The following CTNNA3 variants were observed in gnomAD, a reference collection of about 807,000 sequenced individuals.
The protein encoded by CTNNA3 is catenin alpha 3, also known as catenin alpha-3.
In CTNNA3, 76 loss-of-function variants were observed where a neutral mutation model predicts 95.7. The observed-to-expected ratio is 0.79, with a 90% CI of 0.66 to 0.96. The LOEUF (loss-of-function observed/expected upper bound fraction) is 0.96. Among genes scored for constraint, CTNNA3 ranks in the 40% least tolerant of loss-of-function variants. CTNNA3 has a pLI of 0.00. For synonymous variants in CTNNA3, 431 were observed against 374.4 expected (o/e 1.15, Z -1.74); for missense variants, 1,191 against 1,089.8 (o/e 1.09, Z -1.31).
chr10:67,099,655 T>C (rs1858222221), intron 7 of CTNNA3: 1 of 152,168 alleles, frequency 6.6e-6, no homozygotes, highest in Admixed American at 6.6e-5. Context: ...AAGATGTAAA[T>C]GTTGGAAGAA....
chr10:66,831,736 G>C (rs1006667366), intron 7 of CTNNA3, among the ~76,000 whole-genome samples: 13 of 152,056 alleles, frequency 8.5e-5, no homozygotes, highest in African/African-American at 2.9e-4. Flanking sequence ...GCAGAGGAGA[G>C]AGGAAAGGGA....
chr10:66,805,421 G>C (rs1290816689), intron 7 of CTNNA3, among the ~76,000 whole-genome samples: 1 of 150,094 alleles, frequency 6.7e-6, no homozygotes, highest in Non-Finnish European at 1.5e-5. Flanking sequence ...TTTGTTTGAA[G>C]ACTGAATTAA....
intron 12 of CTNNA3, among the ~76,000 whole-genome samples, chr10:66,288,135 A>G (rs915288654): frequency 6.6e-6 from 1 of 152,082 alleles, no homozygotes; most frequent in Non-Finnish European, 1.5e-5. Context: ...ATATATGTGT[A>G]TTATTTTTGT....
At chr10:67,175,961 G>C (rs539951262) in intron 7 of CTNNA3, among the ~76,000 whole-genome samples, 18 of 152,170 alleles carry the variant, frequency 1.2e-4, no homozygotes, top group African/African-American at 3.9e-4. Context: ...CCTTAATTAT[G>C]TTATACATCA....
At chr10:66,394,432 C>T (rs766525117) in intron 11 of CTNNA3, among the ~76,000 whole-genome samples, 18 of 151,790 alleles carry the variant, frequency 1.2e-4, no homozygotes, top group Non-Finnish European at 2.7e-4. Context: ...CATTCTCACT[C>T]AGACCATACT....
At chr10:65,933,336 A>T (rs1461834671) in intron 17 of CTNNA3, among the ~76,000 whole-genome samples, 1 of 152,144 alleles carries the variant, frequency 6.6e-6, no homozygotes, top group Non-Finnish European at 1.5e-5. Flanking sequence ...TTTTCTCACA[A>T]ATTGGAGTGG....
In CTNNA3 at chr10:66,700,344, G is replaced by A. The variant is rs139563021; in HGVS notation, c.1281+65920C>T. On this transcript the variant is annotated intron_variant, in intron 9 of 17. Transcript: ENST00000433211. ...AGATAAGGGTCCAGTTTCACTCTTT[G>A]CCTGTGGATATCCAGTTTTCGCAAC... 4.6e-4 allele frequency among the ~76,000 whole-genome samples: 68 copies of A among 149,056 alleles called. No homozygotes were observed. The East Asian group carries it at 0.011, about 25-fold the overall frequency.
At chr10:67,447,120 A>G (rs891405187) in intron 5 of CTNNA3, among the ~76,000 whole-genome samples, 8 of 152,176 alleles carry the variant, frequency 5.3e-5, no homozygotes, top group Non-Finnish European at 8.8e-5. Context: ...ATAAAAAACA[A>G]TAAAAAAAAT....
intron 11 of CTNNA3, among the ~76,000 whole-genome samples, chr10:66,484,876 T>C (rs1301568197): frequency 6.6e-6 from 1 of 152,056 alleles, no homozygotes; most frequent in Non-Finnish European, 1.5e-5. Context: ...GAAGGGATCA[T>C]GTGCTATGAT....
chr10:66,806,758 G>A (rs73314894), intron 7 of CTNNA3, among the ~76,000 whole-genome samples: 532 of 10,694 alleles, frequency 0.05, 6 homozygotes, highest in African/African-American at 0.19. Flanking sequence ...TGGCATATAT[G>A]TGTGTGTGTG....
intron 9 of CTNNA3, among the ~76,000 whole-genome samples, chr10:66,739,924 G>C (rs1279838988): frequency 6.6e-6 from 1 of 152,140 alleles, no homozygotes; most frequent in African/African-American, 2.4e-5. Context: ...ATTTCTGGCT[G>C]TGTGTATTAA....
intron 10 of CTNNA3, among the ~76,000 whole-genome samples, chr10:66,533,044 C>T (rs1361175230): frequency 6.6e-6 from 1 of 152,176 alleles, no homozygotes; most frequent in Non-Finnish European, 1.5e-5. Flanking sequence ...TTCCTAGCCA[C>T]TCTCTACAAA....
chr10:66,642,791 T>C (rs1205233090), intron 9 of CTNNA3, among the ~76,000 whole-genome samples: 1 of 152,176 alleles, frequency 6.6e-6, no homozygotes, highest in African/African-American at 2.4e-5. Context: ...ATTTTTGCAG[T>C]GACATCCTTG....
chr10:66,597,249 A>G (rs1843741064), intron 10 of CTNNA3, among the ~76,000 whole-genome samples: 1 of 151,802 alleles, frequency 6.6e-6, no homozygotes, highest in African/African-American at 2.4e-5. Context: ...CAGAAAGCAT[A>G]TTTAAAGAAA....
intron 12 of CTNNA3, among the ~76,000 whole-genome samples, chr10:66,326,128 A>G (rs1029295026): frequency 3.3e-5 from 5 of 152,154 alleles, no homozygotes; most frequent in African/African-American, 1.2e-4. Flanking sequence ...TGAAAGTAAT[A>G]CTTGGGTGTA....
At chr10:67,672,651 T>A (rs956344778) in intron 1 of CTNNA3, among the ~76,000 whole-genome samples, 2 of 152,210 alleles carry the variant, frequency 1.3e-5, no homozygotes, top group Non-Finnish European at 2.9e-5. Context: ...CTCAGGTTTG[T>A]CAAAGATCAG....
intron 3 of CTNNA3, among the ~76,000 whole-genome samples, chr10:67,543,239 A>C (rs565159872): frequency 6.6e-6 from 1 of 152,150 alleles, no homozygotes; most frequent in African/African-American, 2.4e-5. Context: ...TAGAGTATAT[A>C]GTCTACAAAT....
intron 3 of CTNNA3, among the ~76,000 whole-genome samples, chr10:67,543,735 T>C (rs1840753017): frequency 6.6e-6 from 1 of 152,186 alleles, no homozygotes; most frequent in African/African-American, 2.4e-5. Context: ...TACATATTCA[T>C]TGATTCAATA....
chr10:66,242,668 G>A (rs2090158197), intron 13 of CTNNA3, among the ~76,000 whole-genome samples: 1 of 152,158 alleles, frequency 6.6e-6, no homozygotes, highest in African/African-American at 2.4e-5. Context: ...GAACCCTTAT[G>A]TATTGCTCAT....
Sources: gnomAD v4.1 joint callset for allele counts (sites outside exome capture counted in the v4.1 genomes callset) on GRCh38, gnomAD v4.1.1 for gene constraint, MANE v1.5 for transcripts, NCBI Gene and HGNC (gene_info 2026-07-23, HGNC 2026-07-21) for gene names.